Variants in SNX14 observed in about 807,000 individuals in gnomAD.
The protein encoded by SNX14 is sorting nexin 14.
SNX14 carries 93 observed loss-of-function variants against 133.8 expected under a neutral mutation model. The ratio of observed to expected loss-of-function variants is 0.70; its 90% CI spans 0.59 to 0.83. The LOEUF is 0.83. SNX14 is among the 40% of genes least tolerant of loss of function. SNX14 has a pLI of 0.00. For missense variants in SNX14, 945 were observed against 1,094.9 expected (o/e 0.86, Z 1.93); for synonymous variants, 368 against 365.6 (o/e 1.01, Z -0.07).
intron 28 of SNX14, among the ~76,000 whole-genome samples, 158 bp from the exon 29 acceptor site, chr6:85,506,163 G>T (rs1285959544): frequency 6.6e-6 from 1 of 152,120 alleles, no homozygotes; most frequent in African/African-American, 2.4e-5. Flanking sequence ...CTATGTTCTA[G>T]ATATGAGAAA....
At chr6:85,533,508 T>C (rs1355379680) in intron 18 of SNX14, 91 bp downstream of exon 18, 6 of 1,191,354 alleles carry the variant, frequency 5.0e-6, no homozygotes, top group Non-Finnish European at 7.1e-6. Context: ...CCATATTTGT[T>C]AGTTAGAAGT....
chr6:85,585,991 A>C (rs1216833611), intron 1 of SNX14, among the ~76,000 whole-genome samples: 3 of 131,080 alleles, frequency 2.3e-5, no homozygotes, highest in Non-Finnish European at 3.2e-5. Flanking sequence ...CCGCAACAGG[A>C]AAAAAAAAAA....
At chr6:85,573,628 T>C (rs974870563) in intron 2 of SNX14, among the ~76,000 whole-genome samples, 10 of 152,246 alleles carry the variant, frequency 6.6e-5, no homozygotes, top group Non-Finnish European at 2.9e-5. Context: ...TGCCTAATTA[T>C]ATCTCTGTTT....
intron 1 of SNX14, among the ~76,000 whole-genome samples, chr6:85,575,225 C>T (rs1796927287): frequency 6.6e-6 from 1 of 152,174 alleles, no homozygotes; most frequent in Non-Finnish European, 1.5e-5. Flanking sequence ...TTGCACAGTT[C>T]TGATATGCAA....
intron 15 of SNX14, among the ~76,000 whole-genome samples, chr6:85,539,978 T>TTATTTTATTTTATTTTA (rs1783141803): frequency 1.3e-5 from 2 of 150,314 alleles, no homozygotes; most frequent in African/African-American, 5.0e-5. Context: ...TTATTTTATT[T>TTATTTTATTTTATTTTA]TAATTGAGGC....
At chr6:85,569,036 G>A (rs1794783851) in intron 4 of SNX14, among the ~76,000 whole-genome samples, 1 of 151,524 alleles carries the variant, frequency 6.6e-6, no homozygotes, top group Non-Finnish European at 1.5e-5. Context: ...CGCAATCTTG[G>A]CTCACCTCAA....
chr6:85,513,167 C>T (rs577822725), intron 26 of SNX14, among the ~76,000 whole-genome samples: 1 of 152,286 alleles, frequency 6.6e-6, no homozygotes, highest in South Asian at 2.1e-4. Flanking sequence ...GAATCACCTG[C>T]TTTGATCCCT....
At chr6:85,539,746 C>A (rs1248014228) in intron 15 of SNX14, among the ~76,000 whole-genome samples, 1 of 151,720 alleles carries the variant, frequency 6.6e-6, no homozygotes, top group Non-Finnish European at 1.5e-5. Context: ...TAAAGAAAAA[C>A]ATACTTTAAA....
At chr6:85,555,583 C>G (rs749085583) in intron 7 of SNX14, among the ~76,000 whole-genome samples, 15 of 152,138 alleles carry the variant, frequency 9.9e-5, no homozygotes, top group Admixed American at 3.3e-4. Flanking sequence ...GAAGGATGAA[C>G]AGAGAAAGCA....
intron 7 of SNX14, among the ~76,000 whole-genome samples, chr6:85,551,435 C>T (rs1184048509): frequency 6.6e-6 from 1 of 152,190 alleles, no homozygotes; most frequent in East Asian, 1.9e-4. Context: ...CCAATCAGGG[C>T]TCACCTAAAC....
At chr6:85,563,301 G>T (rs1792406306) in intron 6 of SNX14, among the ~76,000 whole-genome samples, 3 of 152,182 alleles carry the variant, frequency 2.0e-5, no homozygotes, top group African/African-American at 7.2e-5. Context: ...TGACAAAGCA[G>T]TAGAAAAGTG....
intron 28 of SNX14, 38 bp from the exon 29 acceptor site, chr6:85,506,043 C>T: frequency 7.3e-7 from 1 of 1,377,478 alleles, no homozygotes; most frequent in Non-Finnish European, 1.0e-6. Flanking sequence ...GAAGACAAGA[C>T]ACAGGTTCAT....
chr6:85,530,644 C>CAA (rs761608276), intron 18 of SNX14, among the ~76,000 whole-genome samples: 6 of 72,266 alleles, frequency 8.3e-5, no homozygotes, highest in Admixed American at 1.6e-4. Context: ...GACTCTGTCT[C>CAA]AAAAAAAAAA....
At chr6:85,533,556 T>C (rs1780927471) in intron 18 of SNX14, 43 bp downstream of exon 18, 1 of 1,580,340 alleles carries the variant, frequency 6.3e-7, no homozygotes, top group Non-Finnish European at 8.6e-7. Flanking sequence ...AACAGACTCA[T>C]TCATGGGCAT....
Position 85,549,872 on chromosome 6 carries a change from AT to A in SNX14, c.641del (p.Asn214IlefsTer10). On this transcript the variant is annotated frameshift_variant, in exon 8 of 29. Coordinates refer to ENST00000314673, the MANE Select transcript of SNX14 (RefSeq NM_153816.6). LOFTEE classifies it high-confidence loss of function. ...VIVKARQKVK[N>X]TEFLQQAALE... ...AAGCAGCTTGCTGTAAAAACTCTGT[AT>A]TTTTTACTATAGAGATTAAAGATAA... The A allele has an allele frequency of 6.2e-7, 1 of 1,601,484 alleles. No homozygotes were observed. The highest frequency in any genetic ancestry group is 2.2e-5 in the East Asian group (1 of 44,556).
intron 1 of SNX14, among the ~76,000 whole-genome samples, chr6:85,578,998 C>G (rs1367284530): frequency 6.6e-6 from 1 of 152,012 alleles, no homozygotes; most frequent in Non-Finnish European, 1.5e-5. Context: ...ATTAGCCGGG[C>G]ATGGTGGTGT....
intron 6 of SNX14, among the ~76,000 whole-genome samples, chr6:85,560,983 G>A (rs1403086229): frequency 1.3e-5 from 2 of 148,650 alleles, no homozygotes; most frequent in Non-Finnish European, 3.0e-5. Flanking sequence ...GCAGTGAGCC[G>A]AGATGGCACC....
At chr6:85,559,608 T>C (rs1790873546) in intron 6 of SNX14, among the ~76,000 whole-genome samples, 2 of 152,200 alleles carry the variant, frequency 1.3e-5, no homozygotes, top group South Asian at 2.1e-4. Flanking sequence ...CTTTTGCCCA[T>C]TAACATTTGC....
At chr6:85,584,605 T>A (rs1213222163) in intron 1 of SNX14, among the ~76,000 whole-genome samples, 1 of 152,102 alleles carries the variant, frequency 6.6e-6, no homozygotes, top group African/African-American at 2.4e-5. Context: ...AACAGATCCT[T>A]CTCAAAAGAA....
Sources: allele counts gnomAD v4.1 joint callset (sites outside exome capture counted in the v4.1 genomes callset), GRCh38; gene constraint gnomAD v4.1.1; transcripts MANE v1.5; gene names NCBI Gene and HGNC (gene_info 2026-07-23, HGNC 2026-07-21).